Variants in DENND5A observed in about 807,000 individuals in gnomAD.
The protein encoded by DENND5A is DENN domain containing 5A.
In DENND5A, 64 loss-of-function variants were observed where a neutral mutation model predicts 140.3. That is an observed-to-expected ratio of 0.46 (90% CI 0.37 to 0.56). DENND5A has a LOEUF of 0.56. Among genes scored for constraint, DENND5A ranks in the 20% least tolerant of loss-of-function variants. The probability of loss-of-function intolerance (pLI) is 0.00; values close to 1 mark genes in which losing one functional copy is unlikely to be tolerated. For synonymous variants in DENND5A, 605 were observed against 607.7 expected (o/e 1.00, Z 0.07); for missense variants, 1,292 against 1,593.8 (o/e 0.81, Z 3.22).
At chr11:9,170,019 G>T in intron 9 of DENND5A, 70 bp from the exon 10 acceptor site, 1 of 1,129,318 alleles carries the variant, frequency 8.9e-7, no homozygotes, top group Non-Finnish European at 1.3e-6. Context: ...ACTAACAGGA[G>T]AAAACATGAA....
rs376147552 is a variant in DENND5A at position 9,206,796 on chromosome 11, A to T, written c.182-14T>A. The stretch of plus-strand genomic sequence containing the variant: ...CAAAATTTTCTCCTGTAAGAAAAAG[A>T]ATGAAGTAAATCATTTCTACAAAAT... On this transcript the variant is annotated splice_polypyrimidine_tract_variant and intron_variant, in intron 2 of 22. Transcript: ENST00000328194. 5.2e-6 allele frequency: 8 copies of T among 1,547,566 alleles called. No homozygotes were observed. The highest frequency in any genetic ancestry group is 1.4e-5 in the African/African-American group (1 of 73,674).
intron 4 of DENND5A, among the ~76,000 whole-genome samples, chr11:9,200,090 C>G (rs1849473936): frequency 6.6e-6 from 1 of 152,142 alleles, no homozygotes; most frequent in African/African-American, 2.4e-5. Context: ...GATACAGTAA[C>G]CCATATTCTA....
intron 12 of DENND5A, among the ~76,000 whole-genome samples, chr11:9,159,321 C>CTTTTTTTTT (rs59379591): frequency 2.2e-5 from 3 of 136,840 alleles, no homozygotes; most frequent in Non-Finnish European, 3.2e-5. Flanking sequence ...ACTTTTTTTT[C>CTTTTTTTTT]TTTTTTTTTT....
At chr11:9,194,537 C>T (rs190976076) in intron 4 of DENND5A, among the ~76,000 whole-genome samples, 8 of 150,684 alleles carry the variant, frequency 5.3e-5, no homozygotes, top group East Asian at 2.0e-4. Flanking sequence ...CAGCTGCACA[C>T]GCCAGCCAGT....
intron 5 of DENND5A, 130 bp from the exon 6 acceptor site, chr11:9,181,214 G>A: frequency 1.4e-6 from 1 of 730,594 alleles, no homozygotes. Flanking sequence ...TATGGTATAA[G>A]GAAGATAGGG....
intron 2 of DENND5A, chr11:9,207,136 T>TA (rs1184320709): frequency 2.3e-6 from 1 of 441,548 alleles, no homozygotes; most frequent in Non-Finnish European, 4.1e-6. Context: ...TTAATTTGCT[T>TA]AAAGTCAACT....
At chr11:9,203,499 C>G in intron 4 of DENND5A, 161 bp downstream of exon 4, 1 of 715,082 alleles carries the variant, frequency 1.4e-6, no homozygotes, top group South Asian at 2.0e-5. Flanking sequence ...TACTGGCCCT[C>G]TCATGTCTAT....
At chr11:9,183,703 C>T (rs1320414558) in intron 5 of DENND5A, among the ~76,000 whole-genome samples, 2 of 152,196 alleles carry the variant, frequency 1.3e-5, no homozygotes, top group African/African-American at 4.8e-5. Flanking sequence ...GCCACCACAC[C>T]CAGCCAGGTT....
At chr11:9,196,625 A>G (rs1849338880) in intron 4 of DENND5A, among the ~76,000 whole-genome samples, 1 of 151,766 alleles carries the variant, frequency 6.6e-6, no homozygotes, top group South Asian at 2.1e-4. Context: ...TTATTATTTT[A>G]TTGGAGACAG....
At chr11:9,205,585 A>G (rs1294477416) in intron 3 of DENND5A, among the ~76,000 whole-genome samples, 1 of 152,208 alleles carries the variant, frequency 6.6e-6, no homozygotes, top group Non-Finnish European at 1.5e-5. Context: ...TAAAAACTAC[A>G]GAATGCTATT....
Position 9,180,796 on chromosome 11 carries a change from C to T in DENND5A, c.1426G>A (p.Val476Ile). ...TCCAGGCTCACCCCAGTTCTCTTGA[C>T]CAAGGCTTGCAGCCGGGCAATAGTT... is the stretch of plus-strand genomic sequence containing the variant. ...NETIARLQALVKRTGVSLEKL... is the reference protein window; with the variant it reads ...NETIARLQALIKRTGVSLEKL... Residue 476 changes from valine (V) to isoleucine (I), a missense_variant, in exon 6 of 23, where the codon GTC (valine) becomes ATC (isoleucine). By Grantham distance (29) the Val-to-Ile change is conservative. Coordinates refer to ENST00000328194, the MANE Select transcript of DENND5A (RefSeq NM_015213.4). 4 of 1,614,156 alleles carry T rather than the reference C, an allele frequency of 2.5e-6. No homozygotes were observed. Among genetic ancestry groups the T allele is most frequent in the Non-Finnish European group, 3.4e-6 (4 of 1,180,004 alleles).
intron 13 of DENND5A, among the ~76,000 whole-genome samples, chr11:9,151,123 C>T (rs373353373): frequency 6.6e-6 from 1 of 152,186 alleles, no homozygotes; most frequent in Non-Finnish European, 1.5e-5. Flanking sequence ...GTCTATCATG[C>T]TCTCACCATG....
chr11:9,246,155 T>A (rs1416599857), intron 1 of DENND5A, among the ~76,000 whole-genome samples: 1 of 152,128 alleles, frequency 6.6e-6, no homozygotes, highest in Non-Finnish European at 1.5e-5. Flanking sequence ...GAGCAACCTG[T>A]TAAACAAGAC....
At chr11:9,221,555 G>A (rs558808828) in intron 1 of DENND5A, among the ~76,000 whole-genome samples, 3 of 152,116 alleles carry the variant, frequency 2.0e-5, no homozygotes, top group Admixed American at 2.0e-4. Flanking sequence ...TAGTAGAGAT[G>A]GGGTTTCACC....
rs149906295 is a variant in DENND5A at position 9,246,346 on chromosome 11, C to T, written c.109+18615G>A. ...AAGGATGTAGGGCCAGGTGGGGTGG[C>T]TCATGCCTGTAATCCCAGCACTTTG... On this transcript the variant is annotated intron_variant, in intron 1 of 22. Transcript: ENST00000328194. Among the ~76,000 whole-genome samples the T allele has an allele frequency of 2.0e-5, 3 of 152,278 alleles. No individual in the cohort carries two copies. In the East Asian group the frequency reaches 5.8e-4, roughly 29 times the overall value.
At chr11:9,226,604 G>A (rs950613524) in intron 1 of DENND5A, among the ~76,000 whole-genome samples, 2 of 152,068 alleles carry the variant, frequency 1.3e-5, no homozygotes, top group Admixed American at 6.6e-5. Flanking sequence ...ACACAATAAA[G>A]TTTTCCTTTT....
At chr11:9,187,265 T>G (rs1026011783) in intron 5 of DENND5A, among the ~76,000 whole-genome samples, 1 of 152,138 alleles carries the variant, frequency 6.6e-6, no homozygotes, top group Admixed American at 6.6e-5. Flanking sequence ...TCCTCATATA[T>G]CCTCCTTCCT....
intron 10 of DENND5A, among the ~76,000 whole-genome samples, chr11:9,166,603 G>GCAGA (rs1456761651): frequency 6.6e-6 from 1 of 152,036 alleles, no homozygotes; most frequent in Non-Finnish European, 1.5e-5. Flanking sequence ...GGAGGCTGAG[G>GCAGA]TGGGTGGATC....
intron 12 of DENND5A, among the ~76,000 whole-genome samples, chr11:9,157,823 T>C (rs1590216084): frequency 6.6e-6 from 1 of 152,206 alleles, no homozygotes; most frequent in East Asian, 1.9e-4. Context: ...GTAGAACAAT[T>C]AATATTCTGA....
Sources: allele counts gnomAD v4.1 joint callset (sites outside exome capture counted in the v4.1 genomes callset), GRCh38; gene constraint gnomAD v4.1.1; transcripts MANE v1.5; gene names NCBI Gene and HGNC (gene_info 2026-07-23, HGNC 2026-07-21).